The following SHROOM3 variants were observed in gnomAD, a reference collection of about 807,000 sequenced individuals.
The protein encoded by SHROOM3 is shroom family member 3, also known as protein Shroom3.
SHROOM3 carries 47 observed loss-of-function variants against 138.6 expected under a neutral mutation model. The ratio of observed to expected loss-of-function variants is 0.34; its 90% CI spans 0.27 to 0.43. SHROOM3 has a LOEUF of 0.43. Among genes scored for constraint, SHROOM3 ranks in the 20% least tolerant of loss-of-function variants. The probability of loss-of-function intolerance (pLI) is 1.00; values close to 1 mark genes in which losing one functional copy is unlikely to be tolerated. For missense variants in SHROOM3, 2,491 were observed against 2,596.5 expected (o/e 0.96, Z 0.88); for synonymous variants, 1,062 against 1,063.3 (o/e 1.00, Z 0.02).
At chr4:76,552,070 C>G (rs965176356) in intron 1 of SHROOM3, among the ~76,000 whole-genome samples, 2 of 148,396 alleles carry the variant, frequency 1.3e-5, no homozygotes, top group African/African-American at 5.0e-5. Flanking sequence ...ACCGTGTTAG[C>G]CAGGATGGAC....
chr4:76,630,950 T>G (rs1452331310), intron 2 of SHROOM3, among the ~76,000 whole-genome samples: 1 of 152,174 alleles, frequency 6.6e-6, no homozygotes, highest in Non-Finnish European at 1.5e-5. Context: ...TTAGAGAGAA[T>G]TAACTCATTG....
intron 2 of SHROOM3, among the ~76,000 whole-genome samples, chr4:76,597,928 T>C (rs1396750525): frequency 6.6e-6 from 1 of 152,190 alleles, no homozygotes; most frequent in Non-Finnish European, 1.5e-5. Context: ...TCCCAGGCAC[T>C]GTGCTAGGCT....
intron 2 of SHROOM3, among the ~76,000 whole-genome samples, chr4:76,675,488 G>T (rs984812522): frequency 6.6e-6 from 1 of 152,166 alleles, no homozygotes; most frequent in African/African-American, 2.4e-5. Context: ...GACACTGTAG[G>T]TACCCAGAAG....
At chr4:76,765,543 C>G (rs1578030991) in intron 9 of SHROOM3, among the ~76,000 whole-genome samples, 1 of 152,026 alleles carries the variant, frequency 6.6e-6, no homozygotes, top group South Asian at 2.1e-4. Flanking sequence ...CTGAATTCCA[C>G]TCTATTCCTA....
chr4:76,619,341 C>T (rs1734949442), intron 2 of SHROOM3, among the ~76,000 whole-genome samples: 1 of 152,144 alleles, frequency 6.6e-6, no homozygotes, highest in Admixed American at 6.6e-5. Context: ...GATCACAGTG[C>T]TGAGTCCCTG....
chr4:76,774,708 G>GTTTTTTTTTTT (rs1158392432), intron 10 of SHROOM3, among the ~76,000 whole-genome samples: 1 of 133,450 alleles, frequency 7.5e-6, no homozygotes. Context: ...GGTTTTTTGG[G>GTTTTTTTTTTT]GTTTTTTTTT....
chr4:76,572,028 G>A (rs185683670), intron 2 of SHROOM3, among the ~76,000 whole-genome samples: 102 of 152,150 alleles, frequency 6.7e-4, no homozygotes, highest in African/African-American at 2.4e-3. Context: ...GCGCCCCCCA[G>A]CCCAATCTCC....
intron 2 of SHROOM3, chr4:76,559,100 T>G (rs1184496987): frequency 1.3e-5 from 2 of 152,258 alleles, no homozygotes; most frequent in Non-Finnish European, 2.9e-5. Context: ...ACTTTCTGCT[T>G]CTGGTGTGGG....
At chr4:76,495,242 T>C (rs1377971893) in intron 1 of SHROOM3, among the ~76,000 whole-genome samples, 1 of 152,326 alleles carries the variant, frequency 6.6e-6, no homozygotes, top group Non-Finnish European at 1.5e-5. Flanking sequence ...TCCCCTTAAC[T>C]GGATTGGTAT....
chr4:76,652,786 G>A (rs1218222733), intron 2 of SHROOM3, among the ~76,000 whole-genome samples: 3 of 151,706 alleles, frequency 2.0e-5, no homozygotes, highest in African/African-American at 7.3e-5. Flanking sequence ...GTATGTGTGT[G>A]GTGTGTATAA....
intron 1 of SHROOM3, among the ~76,000 whole-genome samples, chr4:76,491,889 A>C (rs1731858086): frequency 6.6e-6 from 1 of 152,206 alleles, no homozygotes; most frequent in Non-Finnish European, 1.5e-5. Context: ...TTGGAAAAAC[A>C]CCATGTGGGA....
chr4:76,740,669 T>G lies in SHROOM3; in HGVS notation c.2496T>G (p.Ile832Met). ...GNDFEETKAHIRFSESAEPLG... is the reference protein window; with the variant it reads ...GNDFEETKAHMRFSESAEPLG... Reference sequence around the variant, plus strand: ...ACTTCGAGGAGACAAAAGCACACATTCGTTTCTCTGAGTCAGCTGAACCCC... The same window carrying G: ...ACTTCGAGGAGACAAAAGCACACATGCGTTTCTCTGAGTCAGCTGAACCCC... Residue 832 changes from isoleucine to methionine, a missense_variant, in exon 5 of 11, where the codon ATT becomes ATG. By Grantham distance (10) the Ile-to-Met change is conservative. Around this residue, in one of 4 missense-constraint regions of SHROOM3, gnomAD observed 1,733 missense variants for 1,661.6 expected, o/e 1.04. Coordinates refer to ENST00000296043, the MANE Select transcript of SHROOM3 (RefSeq NM_020859.4). This position sits in a 1 kb window ranked among gnomAD's most constrained non-coding sequence, Gnocchi z 4.0. The G allele has an allele frequency of 2.5e-6, 4 of 1,614,080 alleles. No individual in the cohort carries two copies. The highest frequency in any genetic ancestry group is 3.4e-6 in the Non-Finnish European group (4 of 1,180,024).
intron 2 of SHROOM3, among the ~76,000 whole-genome samples, chr4:76,589,578 A>G (rs1734223044): frequency 1.3e-5 from 2 of 152,168 alleles, no homozygotes; most frequent in Admixed American, 1.3e-4. Context: ...TGGAATGTAA[A>G]TGAGCCCCAC....
At chr4:76,750,197 G>T (rs1721573867) in intron 6 of SHROOM3, among the ~76,000 whole-genome samples, 1 of 152,142 alleles carries the variant, frequency 6.6e-6, no homozygotes, top group South Asian at 2.1e-4. Flanking sequence ...GTGAGTTTGG[G>T]TGCATTAATT....
At chr4:76,762,138 T>G (rs1459583200) in intron 9 of SHROOM3, among the ~76,000 whole-genome samples, 1 of 152,170 alleles carries the variant, frequency 6.6e-6, no homozygotes, top group Non-Finnish European at 1.5e-5. Flanking sequence ...AAGCAACTAG[T>G]TTGTCCTTTC....
rs552043009 is a variant in SHROOM3 at position 76,508,855 on chromosome 4, C to T, written c.169-46754C>T. Reference sequence around the variant, plus strand: ...TCATAGTTATGGAGTCTGGGAAGTCCAGGATCAGAGCACCAGCAGATTCAG... The same window carrying T: ...TCATAGTTATGGAGTCTGGGAAGTCTAGGATCAGAGCACCAGCAGATTCAG... On this transcript the variant is annotated intron_variant, in intron 1 of 10. Transcript: ENST00000296043. Among the ~76,000 whole-genome samples the T allele has an allele frequency of 3.9e-5, 6 of 152,232 alleles. 1 individual carries two copies. The South Asian group carries it at 1.2e-3, about 32-fold the overall frequency.
intron 2 of SHROOM3, among the ~76,000 whole-genome samples, chr4:76,575,836 A>T (rs571550385): frequency 6.6e-6 from 1 of 152,350 alleles, no homozygotes; most frequent in Admixed American, 6.5e-5. Context: ...GCAAGAATCA[A>T]TATTGTTAAA....
At chr4:76,470,207 T>C (rs982903708) in intron 1 of SHROOM3, among the ~76,000 whole-genome samples, 1 of 152,208 alleles carries the variant, frequency 6.6e-6, no homozygotes, top group Non-Finnish European at 1.5e-5. Flanking sequence ...AGCTATTCAC[T>C]ATACTGTGTC....
chr4:76,649,399 T>C (rs544480056), intron 2 of SHROOM3, among the ~76,000 whole-genome samples: 3 of 152,234 alleles, frequency 2.0e-5, no homozygotes, highest in African/African-American at 7.2e-5. Flanking sequence ...AAGAGCTGCT[T>C]CTCTCATCAA....
Sources: allele counts gnomAD v4.1 joint callset (sites outside exome capture counted in the v4.1 genomes callset), GRCh38; gene constraint gnomAD v4.1.1; regional missense constraint gnomAD v4.1.1; non-coding constraint Gnocchi (gnomAD v3.1); transcripts MANE v1.5; gene names NCBI Gene and HGNC (gene_info 2026-07-23, HGNC 2026-07-21).